CAMK1D: variants seen among roughly 807,000 people sequenced by gnomAD.
CAMK1D encodes the protein calcium/calmodulin dependent protein kinase ID, also known as calcium/calmodulin-dependent protein kinase type 1D.
CAMK1D carries 9 observed loss-of-function variants against 47.7 expected under a neutral mutation model. The ratio of observed to expected loss-of-function variants is 0.19; its 90% confidence interval spans 0.11 to 0.33. CAMK1D has a LOEUF of 0.33. Among genes scored for constraint, CAMK1D ranks in the 10% least tolerant of loss-of-function variants. The pLI is 1.00. For synonymous variants in CAMK1D, 184 were observed against 184.9 expected, an observed-to-expected ratio of 0.99 and a Z score of 0.04; for missense variants, 291 against 488.7, an observed-to-expected ratio of 0.60 and a Z score of 3.81.
rs77902084 is a variant in CAMK1D, at chr10:12,592,142, G to C, written c.224+38786G>C. 5.2e-3 allele frequency among the ~76,000 whole-genome samples: 790 copies of C among 152,302 alleles called. 9 individuals carry two copies. The highest frequency in any genetic ancestry group is 0.018 in the African/African-American group (758 of 41,554). On this transcript the variant is annotated intron_variant, in intron 2 of 10. Transcript: ENST00000619168. ...CCAGACCTGGTCACTTAAGACAGGA[G>C]AGAAGGTTGGGCCGGCTTGAAGTCC...
At chr10:12,737,602 C>T (rs538035723) in intron 3 of CAMK1D, among the ~76,000 whole-genome samples, 6 of 152,284 alleles carry the variant, frequency 3.9e-5, no homozygotes, top group Non-Finnish European at 8.8e-5. Context: ...TTACTTCTGC[C>T]TGTGACCTTA....
chr10:12,432,366 C>T (rs1832504144), intron 1 of CAMK1D, among the ~76,000 whole-genome samples: 1 of 152,224 alleles, frequency 6.6e-6, no homozygotes, highest in Non-Finnish European at 1.5e-5. Context: ...GTGTTTCTGG[C>T]AGATCCAGCT....
At chr10:12,731,964 CTGGGCACGG>C (rs1178278453) in intron 3 of CAMK1D, among the ~76,000 whole-genome samples, 5 of 152,230 alleles carry the variant, frequency 3.3e-5, no homozygotes, top group Admixed American at 3.3e-4. Context: ...CTTAGAGATG[CTGGGCACGG>C]TGGCTCACGC....
At chr10:12,771,388 C>T (rs988687907) in intron 5 of CAMK1D, among the ~76,000 whole-genome samples, 2 of 152,200 alleles carry the variant, frequency 1.3e-5, no homozygotes, top group African/African-American at 2.4e-5. Flanking sequence ...GAGAGCCGGC[C>T]TCAAACTAAA....
chr10:12,579,993 G>A (rs1427004621), intron 2 of CAMK1D, among the ~76,000 whole-genome samples: 5 of 152,142 alleles, frequency 3.3e-5, no homozygotes. Context: ...AATCCTTTAG[G>A]AGAGTGTCTG....
chr10:12,801,341 CT>C (rs1838443281), intron 6 of CAMK1D, among the ~76,000 whole-genome samples: 4 of 95,236 alleles, frequency 4.2e-5, no homozygotes, highest in African/African-American at 1.6e-4. Flanking sequence ...ATCTATCTAT[CT>C]ATCTATCTAT....
intron 2 of CAMK1D, among the ~76,000 whole-genome samples, chr10:12,603,336 G>A (rs59709165): frequency 0.016 from 2,367 of 152,230 alleles, 54 homozygotes; most frequent in African/African-American, 0.054. Context: ...GTTGCGCAGT[G>A]CCTGAAGCCA....
intron 1 of CAMK1D, among the ~76,000 whole-genome samples, chr10:12,454,160 T>C (rs973307635): frequency 6.6e-6 from 1 of 152,186 alleles, no homozygotes; most frequent in Non-Finnish European, 1.5e-5. Context: ...TTGAATTTAA[T>C]TTTTTTGTTT....
intron 2 of CAMK1D, among the ~76,000 whole-genome samples, chr10:12,659,867 T>A (rs1246794744): frequency 6.6e-6 from 1 of 152,176 alleles, no homozygotes; most frequent in East Asian, 1.9e-4. Flanking sequence ...AGAGAGGCCT[T>A]TCCCAGACTA....
At chr10:12,527,651 C>T (rs566644374) in intron 1 of CAMK1D, among the ~76,000 whole-genome samples, 39 of 152,310 alleles carry the variant, frequency 2.6e-4, no homozygotes, top group African/African-American at 9.4e-4. Context: ...GCTGGGATTA[C>T]AGGCGTGAGC....
intron 2 of CAMK1D, among the ~76,000 whole-genome samples, chr10:12,580,391 G>C (rs952473061): frequency 8.7e-6 from 1 of 114,314 alleles, no homozygotes; most frequent in African/African-American, 3.8e-5. Flanking sequence ...GGAGCCTGCT[G>C]TTTCTCACCC....
At chr10:12,742,366 C>T (rs1024083341) in intron 3 of CAMK1D, among the ~76,000 whole-genome samples, 1 of 152,098 alleles carries the variant, frequency 6.6e-6, no homozygotes. Context: ...AACTCCTGGG[C>T]TCAGGCAATC....
intron 1 of CAMK1D, among the ~76,000 whole-genome samples, chr10:12,454,954 G>C (rs1833197864): frequency 6.6e-6 from 1 of 152,164 alleles, no homozygotes; most frequent in Non-Finnish European, 1.5e-5. Flanking sequence ...CCTTATTTAG[G>C]AAATGTGTGA....
At chr10:12,357,117 C>T (rs1471598154) in intron 1 of CAMK1D, among the ~76,000 whole-genome samples, 1 of 152,150 alleles carries the variant, frequency 6.6e-6, no homozygotes, top group Non-Finnish European at 1.5e-5. Flanking sequence ...GGAGATTTGT[C>T]ACATTACTGG....
At chr10:12,756,716 G>A (rs1836241304) in intron 3 of CAMK1D, among the ~76,000 whole-genome samples, 1 of 152,176 alleles carries the variant, frequency 6.6e-6, no homozygotes, top group Non-Finnish European at 1.5e-5. Context: ...CACGAGGTCA[G>A]AAGATCGACA....
intron 3 of CAMK1D, among the ~76,000 whole-genome samples, chr10:12,685,508 T>C (rs745726334): frequency 4.6e-5 from 7 of 152,194 alleles, no homozygotes; most frequent in Non-Finnish European, 8.8e-5. Context: ...CAGTATTAAG[T>C]TGGGTCAAAG....
intron 1 of CAMK1D, among the ~76,000 whole-genome samples, chr10:12,406,393 G>T (rs1030269421): frequency 6.6e-6 from 1 of 152,130 alleles, no homozygotes; most frequent in Admixed American, 6.5e-5. Context: ...TCTGGCAAAA[G>T]CTTTTTATTG....
intron 3 of CAMK1D, among the ~76,000 whole-genome samples, chr10:12,700,089 T>C (rs755145048): frequency 5.9e-5 from 9 of 152,198 alleles, no homozygotes; most frequent in Non-Finnish European, 1.2e-4. Flanking sequence ...TTGATTCATT[T>C]AGCATCGAGT....
intron 1 of CAMK1D, among the ~76,000 whole-genome samples, chr10:12,531,377 G>C (rs931856936): frequency 6.6e-6 from 1 of 152,210 alleles, no homozygotes; most frequent in African/African-American, 2.4e-5. Flanking sequence ...CCTGAGATGA[G>C]ATAATGGTTG....
Sources: allele counts gnomAD v4.1 joint callset (sites outside exome capture counted in the v4.1 genomes callset), GRCh38; gene constraint gnomAD v4.1.1; transcripts MANE v1.5; gene names NCBI Gene and HGNC (gene_info 2026-07-23, HGNC 2026-07-21).